The following CSMD1 variants were observed in gnomAD, a reference collection of about 807,000 sequenced individuals.
CSMD1 encodes the protein CUB and Sushi multiple domains 1, also known as CUB and sushi domain-containing protein 1.
CSMD1 carries 213 observed loss-of-function variants against 417.5 expected under a neutral mutation model. The observed-to-expected ratio is 0.51, with a 90% CI of 0.46 to 0.57. The LOEUF (loss-of-function observed/expected upper bound fraction) is 0.57, where lower values mean the gene tolerates loss of function less well. Among genes scored for constraint, CSMD1 ranks in the 20% least tolerant of loss-of-function variants. CSMD1 has a pLI of 0.00. For synonymous variants in CSMD1, 2,862 were observed against 1,736.8 expected, an observed-to-expected ratio of 1.65 and a Z score of -16.11; for missense variants, 6,923 against 4,529.7, an observed-to-expected ratio of 1.53 and a Z score of -15.17.
chr8:4,708,708 G>T (rs1221856304), intron 1 of CSMD1, among the ~76,000 whole-genome samples: 1 of 151,880 alleles, frequency 6.6e-6, no homozygotes, highest in Non-Finnish European at 1.5e-5. Flanking sequence ...TCCCAACTGT[G>T]GCGGTGGAAT....
chr8:3,359,661 A>G (rs186655945), intron 20 of CSMD1, among the ~76,000 whole-genome samples: 1 of 152,258 alleles, frequency 6.6e-6, no homozygotes, highest in East Asian at 1.9e-4. Context: ...GTTAGAAGGA[A>G]TATGTTCTAA....
chr8:4,678,502 T>C (rs1190609783), intron 1 of CSMD1, among the ~76,000 whole-genome samples: 2 of 152,236 alleles, frequency 1.3e-5, no homozygotes, highest in African/African-American at 2.4e-5. Context: ...ATGATAGTTC[T>C]TGAGTTACTG....
intron 26 of CSMD1, among the ~76,000 whole-genome samples, chr8:3,277,447 C>G (rs1189242340): frequency 3.3e-5 from 5 of 152,114 alleles, no homozygotes; most frequent in Non-Finnish European, 7.4e-5. Context: ...CGGCAGGGCA[C>G]AGGTTGGGAG....
chr8:3,736,000 G>A (rs913125024), intron 6 of CSMD1, among the ~76,000 whole-genome samples: 3 of 152,010 alleles, frequency 2.0e-5, no homozygotes, highest in Non-Finnish European at 2.9e-5. Context: ...GTGGGAATAA[G>A]TGCGGTGGAT....
At chr8:3,760,141 T>G (rs537648287) in intron 5 of CSMD1, among the ~76,000 whole-genome samples, 2 of 152,228 alleles carry the variant, frequency 1.3e-5, no homozygotes, top group East Asian at 3.9e-4. Context: ...AGAAAGGGTC[T>G]TCTTAAGGGA....
At chr8:3,083,468 T>A (rs1426596613) in intron 49 of CSMD1, among the ~76,000 whole-genome samples, 5 of 149,758 alleles carry the variant, frequency 3.3e-5, no homozygotes, top group African/African-American at 1.2e-4. Context: ...ATTTTTCTGA[T>A]TATATATATT....
At chr8:4,179,124 A>G (rs1798215771) in intron 3 of CSMD1, among the ~76,000 whole-genome samples, 1 of 152,218 alleles carries the variant, frequency 6.6e-6, no homozygotes, top group East Asian at 1.9e-4. Flanking sequence ...CGCCAAGTCA[A>G]TCCTAAGCCA....
intron 52 of CSMD1, among the ~76,000 whole-genome samples, chr8:3,008,000 A>T (rs535805887): frequency 3.9e-5 from 6 of 152,208 alleles, no homozygotes; most frequent in Non-Finnish European, 7.3e-5. Flanking sequence ...TTTGCTTAAA[A>T]TGTCTCAAAT....
chr8:3,076,869 T>C (rs150635554), intron 49 of CSMD1, among the ~76,000 whole-genome samples: 120 of 152,250 alleles, frequency 7.9e-4, no homozygotes, highest in African/African-American at 2.7e-3. Context: ...ATTTTTTAGA[T>C]TGAGGGTACA....
chr8:3,649,432 G>A (rs1244082760), intron 7 of CSMD1, among the ~76,000 whole-genome samples: 2 of 152,150 alleles, frequency 1.3e-5, no homozygotes. Context: ...CTGAGACTGG[G>A]TAATTTATCA....
intron 5 of CSMD1, among the ~76,000 whole-genome samples, chr8:3,902,356 G>C (rs1421311133): frequency 6.6e-6 from 1 of 152,046 alleles, no homozygotes; most frequent in African/African-American, 2.4e-5. Flanking sequence ...TGGCTTTTCT[G>C]TTTACAAAAA....
intron 3 of CSMD1, among the ~76,000 whole-genome samples, chr8:4,156,054 C>T (rs571014904): frequency 1.3e-5 from 2 of 152,102 alleles, no homozygotes; most frequent in African/African-American, 4.8e-5. Context: ...CCATAGATTC[C>T]TACAGAAATG....
chr8:4,185,539 C>G (rs1798618205), intron 3 of CSMD1, among the ~76,000 whole-genome samples: 1 of 152,114 alleles, frequency 6.6e-6, no homozygotes, highest in African/African-American at 2.4e-5. Flanking sequence ...TAAAGAGAAA[C>G]ATGCGCTAAT....
In CSMD1 at chr8:3,865,887, A is replaced by G. The variant is rs149140119; in HGVS notation, c.819-111845T>C. On this transcript the variant is annotated intron_variant, in intron 5 of 69. Coordinates refer to ENST00000635120, the MANE Select transcript of CSMD1 (RefSeq NM_033225.6). ...TAGTATACTAGAATTATAAATAGCA[A>G]TATTTACAAGTAATTGTCAAAACCA... Among the ~76,000 whole-genome samples the G allele has an allele frequency of 4.1e-3, 621 of 152,302 alleles. 6 individuals carry two copies. The highest frequency in any genetic ancestry group is 0.013 in the African/African-American group (532 of 41,558).
intron 6 of CSMD1, among the ~76,000 whole-genome samples, chr8:3,718,064 A>C (rs1801944209): frequency 6.6e-6 from 1 of 152,206 alleles, no homozygotes; most frequent in Non-Finnish European, 1.5e-5. Context: ...ATGTTCAGTA[A>C]TTTGGTGGTT....
rs572000013 is a variant in CSMD1, at chr8:4,475,872, G to A, written c.303-55807C>T. The stretch of plus-strand genomic sequence containing the variant: ...AGGTGATCCACCTGCCTTACGCTCC[G>A]AAAGTGCTGGAATTACAGGCTTGAG... On this transcript the variant is annotated intron_variant, in intron 2 of 69. Coordinates refer to ENST00000635120, the MANE Select transcript of CSMD1 (RefSeq NM_033225.6). Among the ~76,000 whole-genome samples, 18 of 152,088 alleles carry A rather than the reference G, an allele frequency of 1.2e-4. No homozygotes were observed. In the East Asian group the frequency reaches 2.9e-3, roughly 25 times the overall value.
chr8:4,306,941 G>T (rs529160878), intron 3 of CSMD1, among the ~76,000 whole-genome samples: 1 of 152,044 alleles, frequency 6.6e-6, no homozygotes, highest in Non-Finnish European at 1.5e-5. Flanking sequence ...TTCAGTATCT[G>T]TCGATCCTAC....
chr8:4,022,758 G>A (rs1303058790), intron 4 of CSMD1, among the ~76,000 whole-genome samples: 1 of 152,078 alleles, frequency 6.6e-6, no homozygotes, highest in East Asian at 1.9e-4. Context: ...AGAAACTTTG[G>A]GAATCAGAGA....
chr8:4,168,915 C>G (rs1797609435), intron 3 of CSMD1, among the ~76,000 whole-genome samples: 1 of 152,134 alleles, frequency 6.6e-6, no homozygotes, highest in South Asian at 2.1e-4. Context: ...CAGTGCCAGG[C>G]CTTGCTCTGT....
Sources: allele counts gnomAD v4.1 joint callset (sites outside exome capture counted in the v4.1 genomes callset), GRCh38; gene constraint gnomAD v4.1.1; transcripts MANE v1.5; gene names NCBI Gene and HGNC (gene_info 2026-07-23, HGNC 2026-07-21).